Variants in DIXDC1 observed in about 807,000 individuals in gnomAD.
DIXDC1 encodes the protein DIX domain containing 1.
A neutral mutation model predicts 103.1 loss-of-function variants in DIXDC1; 64 were observed. That is an observed-to-expected ratio of 0.62 (90% CI 0.51 to 0.76). The LOEUF (loss-of-function observed/expected upper bound fraction) is 0.76, where lower values mean the gene tolerates loss of function less well. DIXDC1 is among the 30% of genes least tolerant of loss of function. The pLI, the probability that DIXDC1 is intolerant of heterozygous loss-of-function variation, is 0.00. For missense variants in DIXDC1, 759 were observed against 834.2 expected (o/e 0.91, Z 1.11); for synonymous variants, 266 against 298.5 (o/e 0.89, Z 1.12).
intron 10 of DIXDC1, among the ~76,000 whole-genome samples, chr11:111,990,518 C>G (rs1412542418): frequency 6.6e-6 from 1 of 152,152 alleles, no homozygotes; most frequent in African/African-American, 2.4e-5. Flanking sequence ...AGTAGTATAT[C>G]TTCGAGCTCA....
At position 111,982,440 on chromosome 11, in the gene DIXDC1, T is replaced by C; in HGVS notation, c.871T>C (p.Leu291=). Residue 291 remains leucine, a synonymous_variant, in exon 7 of 20, where the codon TTA becomes CTA. Coordinates refer to ENST00000440460, the MANE Select transcript of DIXDC1 (RefSeq NM_001037954.4). ...ACAGCTGTTGGAACAACAAGAATAT[T>C]TAGAAAAAGAAATGGAGGAAGCAAA... ...EEQLLEQQEY[L]EKEMEEAKKM... is the part of the protein sequence containing the mutation. 1 of 1,613,700 alleles carries C rather than the reference T, an allele frequency of 6.2e-7. No individual in the cohort carries two copies. Among genetic ancestry groups the C allele is most frequent in the Non-Finnish European group, 8.5e-7 (1 of 1,179,784 alleles).
chr11:111,995,373 A>G (rs781947488), intron 15 of DIXDC1, 30 bp from the exon 16 acceptor site: 3 of 1,606,946 alleles, frequency 1.9e-6, no homozygotes, highest in South Asian at 2.2e-5. Context: ...GCACCGTGCC[A>G]TGCCAGCAAC....
chr11:111,999,178 CT>C (rs1235346170), intron 17 of DIXDC1, among the ~76,000 whole-genome samples: 10 of 152,352 alleles, frequency 6.6e-5, no homozygotes, highest in African/African-American at 2.4e-4. Context: ...TGCCCTTTCT[CT>C]TTCAATATAA....
At chr11:111,962,921 C>T (rs1859627231) in intron 1 of DIXDC1, among the ~76,000 whole-genome samples, 1 of 152,176 alleles carries the variant, frequency 6.6e-6, no homozygotes, top group South Asian at 2.1e-4. Context: ...TCACAGATCT[C>T]ATCTGGTCCC....
At chr11:111,950,480 A>G (rs1411734585) in intron 1 of DIXDC1, among the ~76,000 whole-genome samples, 3 of 67,854 alleles carry the variant, frequency 4.4e-5, no homozygotes, top group Non-Finnish European at 8.8e-5. Context: ...TTTGAGACAG[A>G]GTTTCACTCT....
intron 2 of DIXDC1, among the ~76,000 whole-genome samples, chr11:111,966,467 A>G (rs1312429776): frequency 1.1e-4 from 16 of 141,202 alleles, no homozygotes; most frequent in Non-Finnish European, 2.4e-4. Context: ...GCAGTGGCGC[A>G]ATCTCGGCTC....
chr11:111,997,755 A>G (rs1004956956), intron 17 of DIXDC1, among the ~76,000 whole-genome samples: 1 of 152,196 alleles, frequency 6.6e-6, no homozygotes, highest in African/African-American at 2.4e-5. Flanking sequence ...TACTTTGTGC[A>G]TATATAGTAT....
intron 17 of DIXDC1, among the ~76,000 whole-genome samples, chr11:111,997,205 C>T (rs1411643066): frequency 1.3e-5 from 2 of 152,116 alleles, no homozygotes; most frequent in African/African-American, 4.8e-5. Context: ...AAGTAAAAAT[C>T]TGAAAATACT....
At chr11:111,927,893 G>T (rs924108400) in intron 1 of DIXDC1, among the ~76,000 whole-genome samples, 26 of 151,326 alleles carry the variant, frequency 1.7e-4, no homozygotes, top group Admixed American at 3.3e-4. Flanking sequence ...GCACGGGCCT[G>T]TAATCCCAGC....
At chr11:111,979,449 G>T (rs920189953) in intron 5 of DIXDC1, among the ~76,000 whole-genome samples, 2 of 152,196 alleles carry the variant, frequency 1.3e-5, no homozygotes, top group Non-Finnish European at 2.9e-5. Flanking sequence ...CTGAGAGGGG[G>T]CTGGGCCCGG....
At position 111,966,397 on chromosome 11, in the gene DIXDC1, A is replaced by ATTTTTTTTTTTT. The variant is rs1221666046; in HGVS notation, c.190+1732_190+1743dup. On this transcript the variant is annotated intron_variant, in intron 2 of 19. Transcript: ENST00000440460. ...ACCACCACGCCAAGCTAATTTTTGT[A>ATTTTTTTTTTTT]TTTTTTTTTTTTTTTTTTTTTTTTG... Among the ~76,000 whole-genome samples the ATTTTTTTTTTTT allele has an allele frequency of 8.2e-4, 48 of 58,710 alleles. 4 individuals carry two copies. Among genetic ancestry groups the ATTTTTTTTTTTT allele is most frequent in the African/African-American group, 2.8e-3 (44 of 15,646 alleles). 38.5% of individuals were successfully genotyped at this position (58,710 alleles called of 152,430 possible).
chr11:112,017,981 C>G lies in DIXDC1; in HGVS notation c.1971+96C>G, dbSNP rs1592639178. The G allele has an allele frequency of 3.2e-6, 3 of 940,902 alleles. No individual in the cohort carries two copies. Among genetic ancestry groups the G allele is most frequent in the East Asian group, 5.6e-5 (2 of 35,682 alleles). 58.3% of individuals were successfully genotyped at this position (940,902 alleles called of 1,614,324 possible). On this transcript the variant is annotated intron_variant, in intron 19 of 19. Transcript: ENST00000440460. This position sits in a 1 kb window ranked among gnomAD's most constrained non-coding sequence, Gnocchi z 4.0. ...ACTAGTGTCCAGAAGTACATGAGTTCCCTGACTAGGTCAGAAGAATTTGCC... is the reference window on the plus strand; with the variant it reads ...ACTAGTGTCCAGAAGTACATGAGTTGCCTGACTAGGTCAGAAGAATTTGCC...
intron 8 of DIXDC1, among the ~76,000 whole-genome samples, chr11:111,986,583 C>CT (rs1238072032): frequency 6.6e-6 from 1 of 151,980 alleles, no homozygotes; most frequent in Non-Finnish European, 1.5e-5. Flanking sequence ...AGGCTGGTCT[C>CT]TAACACCTGA....
At chr11:111,984,820 C>T (rs587734811) in intron 7 of DIXDC1, among the ~76,000 whole-genome samples, 1 of 152,296 alleles carries the variant, frequency 6.6e-6, no homozygotes, top group Non-Finnish European at 1.5e-5. Context: ...GTGAGTGCTC[C>T]AAATGTATTC....
chr11:112,005,744 A>T (rs1861216258), intron 17 of DIXDC1, among the ~76,000 whole-genome samples: 1 of 152,212 alleles, frequency 6.6e-6, no homozygotes, highest in South Asian at 2.1e-4. Flanking sequence ...CATGAAACAA[A>T]AACTGAAAGG....
At chr11:112,012,502 T>A (rs1555177294) in intron 17 of DIXDC1, among the ~76,000 whole-genome samples, 1 of 152,226 alleles carries the variant, frequency 6.6e-6, no homozygotes. Flanking sequence ...GTTAAAGATC[T>A]ATTTTTTTAA....
At chr11:111,937,213 A>G (rs1344579474), upstream of DIXDC1, 6 of 1,110,822 alleles carry the variant, frequency 5.4e-6, no homozygotes, top group African/African-American at 8.3e-5. Flanking sequence ...TCCCGCAGGA[A>G]AGCGGGGCTG....
At chr11:111,979,762 G>A (rs1860236246) in intron 5 of DIXDC1, among the ~76,000 whole-genome samples, 1 of 152,174 alleles carries the variant, frequency 6.6e-6, no homozygotes, top group South Asian at 2.1e-4. Context: ...TTTGAGACCA[G>A]CCTGGGTAAC....
Position 112,004,488 on chromosome 11 carries a change from C to T in DIXDC1, c.1756+8342C>T, listed in dbSNP as rs186591324. Among the ~76,000 whole-genome samples, 3 of 152,306 alleles carry T rather than the reference C, an allele frequency of 2.0e-5. No individual in the cohort carries two copies. In the East Asian group the frequency reaches 5.8e-4, roughly 29 times the overall value. On this transcript the variant is annotated intron_variant, in intron 17 of 19. Coordinates refer to ENST00000440460, the MANE Select transcript of DIXDC1 (RefSeq NM_001037954.4). ...CAGAGGGGCAGGAAACTATCTTGGA[C>T]TCAGATTGTAAGAGGTCGCCTACCA...
Sources: gnomAD v4.1 joint callset for allele counts (sites outside exome capture counted in the v4.1 genomes callset) on GRCh38, gnomAD v4.1.1 for gene constraint, Gnocchi (gnomAD v3.1) non-coding constraint, MANE v1.5 for transcripts, NCBI Gene and HGNC (gene_info 2026-07-23, HGNC 2026-07-21) for gene names.